Variants in TMEM43 observed in about 807,000 individuals in gnomAD.
TMEM43 encodes the protein arrhythmogenic right ventricular dysplasia 5.
Under a neutral mutation model 49.6 loss-of-function variants are expected in TMEM43, and 45 were observed. The ratio of observed to expected loss-of-function variants is 0.91; its 90% CI spans 0.71 to 1.16. The LOEUF (loss-of-function observed/expected upper bound fraction) is 1.16. Ranked by LOEUF, TMEM43 falls within the 50% of genes most tolerant of loss-of-function variation. The pLI is 0.00. For missense variants in TMEM43, 532 were observed against 516.6 expected (o/e 1.03, Z -0.29); for synonymous variants, 199 against 207.8 (o/e 0.96, Z 0.36).
chr3:14,141,111 A>G (rs1314028529), intron 11 of TMEM43, among the ~76,000 whole-genome samples: 1 of 152,196 alleles, frequency 6.6e-6, no homozygotes, highest in African/African-American at 2.4e-5. Flanking sequence ...TTCCTCTAGC[A>G]CCTGCTGGTT....
intron 1 of TMEM43, chr3:14,128,749 C>A: frequency 4.1e-6 from 1 of 245,808 alleles, no homozygotes. Context: ...ACATCTTCTT[C>A]ACGAGCCAGC....
At chr3:14,132,721 A>C in intron 5 of TMEM43, 126 bp downstream of exon 5, 1 of 1,378,344 alleles carries the variant, frequency 7.3e-7, no homozygotes, top group Non-Finnish European at 1.0e-6. Context: ...CCTGGGTGCA[A>C]GTCTTCAGAG....
rs756093189 is a variant in TMEM43 at position 14,132,829 on chromosome 3, C to T, written c.443-37C>T. ...GGTGGGTCTCAGCCGCGTGCCACTC[C>T]TACCCGGGCTCTGAGTTGATTCCTC... is the stretch of plus-strand genomic sequence containing the variant. On this transcript the variant is annotated intron_variant, in intron 5 of 11. Transcript: ENST00000306077. The T allele has an allele frequency of 1.1e-5, 18 of 1,605,802 alleles. No individual in the cohort carries two copies. The Admixed American group carries it at 3.0e-4, about 27-fold the overall frequency.
In TMEM43 at chr3:14,142,403, G is replaced by A. The variant is rs1695261887; in HGVS notation, c.*608G>A. ...TGAAGATGTCCTGAGGAGAAAAGCTGGACATATACTGGGCTTCACACTTAT... is the reference window on the plus strand; with the variant it reads ...TGAAGATGTCCTGAGGAGAAAAGCTAGACATATACTGGGCTTCACACTTAT... On this transcript the variant is annotated 3_prime_UTR_variant, in exon 12 of 12. Transcript: ENST00000306077. 1 of 156,738 alleles carries A rather than the reference G, an allele frequency of 6.4e-6. No homozygotes were observed. Among genetic ancestry groups the A allele is most frequent in the Non-Finnish European group, 1.4e-5 (1 of 70,424 alleles). 9.7% of individuals were successfully genotyped at this position (156,738 alleles called of 1,614,324 possible). A position where few individuals can be genotyped will look rare whatever the true frequency, so the allele number is the denominator to read the frequency against.
At chr3:14,131,500 C>A in intron 3 of TMEM43, 80 bp from the exon 4 acceptor site, 1 of 1,180,178 alleles carries the variant, frequency 8.5e-7, no homozygotes, top group Non-Finnish European at 1.2e-6. Context: ...TCTTCCAGTC[C>A]AGCTTCCCCT....
chr3:14,127,288 C>A (rs1005664910), intron 1 of TMEM43, among the ~76,000 whole-genome samples: 1 of 152,136 alleles, frequency 6.6e-6, no homozygotes, highest in African/African-American at 2.4e-5. Context: ...CTGCCCACCT[C>A]ACCCCTCCCC....
chr3:14,129,569 G>A lies in TMEM43; in HGVS notation c.162+8G>A. The A allele has an allele frequency of 6.2e-7, 1 of 1,614,014 alleles. No individual in the cohort carries two copies. Among genetic ancestry groups the A allele is most frequent in the Non-Finnish European group, 8.5e-7 (1 of 1,179,970 alleles). ...CTAATTTTCACCAATGAGGTAAAATGTCTGGGGTCTTCCTGTGCAGAGTGA... is the reference window on the plus strand; with the variant it reads ...CTAATTTTCACCAATGAGGTAAAATATCTGGGGTCTTCCTGTGCAGAGTGA... On this transcript the variant is annotated splice_region_variant and intron_variant, in intron 2 of 11. Transcript: ENST00000306077.
In TMEM43 at chr3:14,134,838, A is replaced by G. The variant is rs1424606125; in HGVS notation, c.652A>G (p.Ile218Val). 1.9e-6 allele frequency: 3 copies of G among 1,614,200 alleles called. No individual in the cohort carries two copies. The highest frequency in any genetic ancestry group is 2.5e-6 in the Non-Finnish European group (3 of 1,180,030). ...LSKLEDPHVD[I>V]IRRGDFFYHS... Reference sequence around the variant, plus strand: ...CAAGCTGGAGGACCCTCATGTGGACATCATTCGCCGTGGAGACTTTTTCTA... The same window carrying G: ...CAAGCTGGAGGACCCTCATGTGGACGTCATTCGCCGTGGAGACTTTTTCTA... Residue 218 changes from isoleucine to valine, a missense_variant, in exon 8 of 12, where the codon ATC becomes GTC. Physicochemically the swap from Ile to Val is conservative, Grantham distance 29 (BLOSUM62 3). Transcript: ENST00000306077.
rs1559361000 is a variant in TMEM43 at position 14,132,521 on chromosome 3, CG to C, written c.393-24del. ...TGCCTGGGGCGACGAGGCTAACCCCCGTGGCTGCTTTGCTTTCCCTGCAGGG... is the reference window on the plus strand; with the variant it reads ...TGCCTGGGGCGACGAGGCTAACCCCCTGGCTGCTTTGCTTTCCCTGCAGGG... On this transcript the variant is annotated intron_variant, in intron 4 of 11. Transcript: ENST00000306077. The C allele has an allele frequency of 1.9e-6, 3 of 1,614,026 alleles. No individual in the cohort carries two copies. In the South Asian group the frequency reaches 3.3e-5, roughly 18 times the overall value.
Position 14,132,905 on chromosome 3 carries a change from T to G in TMEM43, c.482T>G (p.Phe161Cys). The change falls in exon 6 of 12, where the codon TTC becomes TGC. Residue 161 changes from phenylalanine to cysteine, a missense_variant. Transcript: ENST00000306077. ...TCAGAAATCATCAACAGCAAAAACT[T>G]CGACCGAGAGATTGGCCACAAAAAC... ...WRSEIINSKN[F>C]DREIGHKNPS... 1 of 1,613,946 alleles carries G rather than the reference T, an allele frequency of 6.2e-7. No individual in the cohort carries two copies. Among genetic ancestry groups the G allele is most frequent in the Non-Finnish European group, 8.5e-7 (1 of 1,179,940 alleles).
At chr3:14,132,761 C>T (rs756941756) in intron 5 of TMEM43, 105 bp from the exon 6 acceptor site, 5 of 1,398,384 alleles carry the variant, frequency 3.6e-6, no homozygotes, top group Non-Finnish European at 5.1e-6. Flanking sequence ...CATTGAGGCT[C>T]CCTGACCCAC....
chr3:14,139,554 G>T lies in TMEM43; in HGVS notation c.1000+257G>T, dbSNP rs527982750. Among the ~76,000 whole-genome samples the T allele has an allele frequency of 1.8e-4, 27 of 152,340 alleles. No homozygotes were observed. In the South Asian group the frequency reaches 5.6e-3, roughly 32 times the overall value. Reference sequence around the variant, plus strand: ...ACTGGTCTCACTCCACAGCCTGAAGGTTCGTCCATCTGCTGGCTCGATCAT... The same window carrying T: ...ACTGGTCTCACTCCACAGCCTGAAGTTTCGTCCATCTGCTGGCTCGATCAT... On this transcript the variant is annotated intron_variant, in intron 11 of 11. Coordinates refer to ENST00000306077, the MANE Select transcript of TMEM43 (RefSeq NM_024334.3).
At position 14,141,995 on chromosome 3, in the gene TMEM43, G is replaced by A; in HGVS notation, c.*200G>A. ...TCATGTCTTCCCCACATCTCTTCTT[G>A]CCAGTAAGCAGCTTTGGTGGGCAGC... On this transcript the variant is annotated 3_prime_UTR_variant, in exon 12 of 12. Transcript: ENST00000306077. 1 of 603,008 alleles carries A rather than the reference G, an allele frequency of 1.7e-6. No homozygotes were observed. Among genetic ancestry groups the A allele is most frequent in the East Asian group, 2.8e-5 (1 of 35,950 alleles). The allele number at this position is 603,008 out of a possible 1,614,324, so 37.4% of individuals were successfully genotyped here.
chr3:14,129,058 A>C (rs1170746508), intron 1 of TMEM43: 1 of 436,888 alleles, frequency 2.3e-6, no homozygotes, highest in Non-Finnish European at 4.5e-6. Context: ...ATTTTTCTCA[A>C]GTTGTAGAAG....
intron 1 of TMEM43, among the ~76,000 whole-genome samples, chr3:14,126,578 G>A (rs1196403884): frequency 2.0e-5 from 3 of 152,228 alleles, no homozygotes; most frequent in South Asian, 2.1e-4. Context: ...ATCAGTTACT[G>A]TGATATTTAA....
chr3:14,135,514 C>T (rs1195216187), intron 9 of TMEM43, among the ~76,000 whole-genome samples: 1 of 152,192 alleles, frequency 6.6e-6, no homozygotes, highest in African/African-American at 2.4e-5. Flanking sequence ...TCCCCAAGCC[C>T]GTTTTGATCT....
intron 11 of TMEM43, among the ~76,000 whole-genome samples, chr3:14,140,030 T>C (rs1695227268): frequency 6.6e-6 from 1 of 152,208 alleles, no homozygotes; most frequent in African/African-American, 2.4e-5. Context: ...ATCAGTCTTC[T>C]CTGGGTGCCA....
At chr3:14,138,244 A>G (rs888458224) in intron 10 of TMEM43, among the ~76,000 whole-genome samples, 2 of 152,172 alleles carry the variant, frequency 1.3e-5, no homozygotes, top group Non-Finnish European at 2.9e-5. Context: ...CACAGGCGAG[A>G]GGACACTTGA....
At chr3:14,129,987 CCTTTCTTT>C (rs1695071238) in intron 2 of TMEM43, among the ~76,000 whole-genome samples, 1 of 151,850 alleles carries the variant, frequency 6.6e-6, no homozygotes, top group African/African-American at 2.4e-5. Flanking sequence ...TGTTTCTCTT[CCTTTCTTT>C]CTTTTCCTTT....
Sources: allele counts gnomAD v4.1 joint callset (sites outside exome capture counted in the v4.1 genomes callset), GRCh38; gene constraint gnomAD v4.1.1; transcripts MANE v1.5; gene names NCBI Gene and HGNC (gene_info 2026-07-23, HGNC 2026-07-21).